The following LONRF2 variants were observed in gnomAD, a reference collection of about 807,000 sequenced individuals.
LONRF2 encodes LON peptidase N-terminal domain and ring finger 2, also known as LON peptidase N-terminal domain and RING finger protein 2.
LONRF2 carries 35 observed loss-of-function variants against 66.6 expected under a neutral mutation model. The ratio of observed to expected loss-of-function variants is 0.53; its 90% CI spans 0.40 to 0.70. The LOEUF is 0.70. Ranked by LOEUF, LONRF2 falls within the 30% of genes least tolerant of loss-of-function variation. LONRF2 has a pLI of 0.00. For missense variants in LONRF2, 902 were observed against 1,002.1 expected (o/e 0.90, Z 1.35); for synonymous variants, 417 against 418.1 (o/e 1.00, Z 0.03).
intron 9 of LONRF2, among the ~76,000 whole-genome samples, chr2:100,292,574 T>G (rs1397752666): frequency 1.3e-5 from 2 of 152,176 alleles, no homozygotes; most frequent in African/African-American, 4.8e-5. Flanking sequence ...TTTTTCTTGT[T>G]GTTTGGATGG....
chr2:100,300,252 A>ATT lies in LONRF2; in HGVS notation c.1066-336_1066-335dup, dbSNP rs35877708. On this transcript the variant is annotated intron_variant, in intron 4 of 11. Transcript: ENST00000393437. ...CATATTCAAATCATCCCTTTGCTTTATTTTTTTTTAAATTACACTTTAAGT... is the reference window on the plus strand; with the variant it reads ...CATATTCAAATCATCCCTTTGCTTTATTTTTTTTTTTAAATTACACTTTAAGT... 2.3e-3 allele frequency among the ~76,000 whole-genome samples: 343 copies of ATT among 150,388 alleles called. 2 individuals carry two copies. Among genetic ancestry groups the ATT allele is most frequent in the African/African-American group, 8.0e-3 (327 of 41,028 alleles).
chr2:100,282,278 A>T lies in LONRF2; in HGVS notation c.*2020T>A, dbSNP rs997561504. ...ATTTAAAGAGTGAGGAAGAGAAAGC[A>T]ACAGGTTCCAAGTATTATAGCAAGC... On this transcript the variant is annotated 3_prime_UTR_variant, in exon 12 of 12. Coordinates refer to ENST00000393437, the MANE Select transcript of LONRF2 (RefSeq NM_198461.4). The T allele has an allele frequency of 4.6e-5, 7 of 152,208 alleles. No homozygotes were observed. Among genetic ancestry groups the T allele is most frequent in the African/African-American group, 1.4e-4 (6 of 41,452 alleles). 9.4% of individuals were successfully genotyped at this position (152,208 alleles called of 1,614,324 possible). A position where few individuals can be genotyped will look rare whatever the true frequency, so the allele number is the denominator to read the frequency against.
rs1674560048 is a variant in LONRF2 at position 100,274,634 on chromosome 2, G to GA, written c.*9663dup. 6.6e-6 allele frequency: 1 copy of GA among 152,298 alleles called. No homozygotes were observed. Among genetic ancestry groups the GA allele is most frequent in the African/African-American group, 2.4e-5 (1 of 41,426 alleles). 9.4% of individuals were successfully genotyped at this position (152,298 alleles called of 1,614,324 possible). Reference sequence around the variant, plus strand: ...TCCTCGATTTGACTCTTCCACTGCAGAAGGCAGTATCCCCTCACCCTGATC... The same window carrying GA: ...TCCTCGATTTGACTCTTCCACTGCAGAAAGGCAGTATCCCCTCACCCTGATC... On this transcript the variant is annotated 3_prime_UTR_variant, in exon 12 of 12. Coordinates refer to ENST00000393437, the MANE Select transcript of LONRF2 (RefSeq NM_198461.4).
chr2:100,305,296 T>C (rs1036074981), intron 2 of LONRF2, among the ~76,000 whole-genome samples: 1 of 152,240 alleles, frequency 6.6e-6, no homozygotes, highest in African/African-American at 2.4e-5. Context: ...GGATGTTTTA[T>C]AGTGTCTTTA....
chr2:100,300,017 A>C, intron 4 of LONRF2, 99 bp from the exon 5 acceptor site: 2 of 417,140 alleles, frequency 4.8e-6, no homozygotes, highest in Non-Finnish European at 8.2e-6. Context: ...TTGGAAAAAA[A>C]AAGGGGGGGG....
At position 100,281,588 on chromosome 2, in the gene LONRF2, T is replaced by C. The variant is rs1177032907; in HGVS notation, c.*2710A>G. On this transcript the variant is annotated 3_prime_UTR_variant, in exon 12 of 12. Transcript: ENST00000393437. ...TGCATTTCAAAGACACAGGCAGGTTTGGGCGATGAATGGAAAAATACAGAA... is the reference window on the plus strand; with the variant it reads ...TGCATTTCAAAGACACAGGCAGGTTCGGGCGATGAATGGAAAAATACAGAA... 6.6e-6 allele frequency: 1 copy of C among 152,158 alleles called. No homozygotes were observed. The highest frequency in any genetic ancestry group is 1.5e-5 in the Non-Finnish European group (1 of 68,038). 9.4% of individuals were successfully genotyped at this position (152,158 alleles called of 1,614,324 possible).
chr2:100,303,136 T>C, intron 2 of LONRF2, 93 bp from the exon 3 acceptor site: 1 of 1,243,770 alleles, frequency 8.0e-7, no homozygotes, highest in East Asian at 2.5e-5. Context: ...ATTAGAACAA[T>C]TTGTTTTAAT....
intron 5 of LONRF2, 129 bp from the exon 6 acceptor site, chr2:100,299,448 T>C: frequency 1.6e-6 from 1 of 618,316 alleles, no homozygotes; most frequent in Non-Finnish European, 2.8e-6. Flanking sequence ...GCAGAAATAG[T>C]TCCTGCCCAG....
intron 1 of LONRF2, among the ~76,000 whole-genome samples, chr2:100,316,896 A>T (rs1559183536): frequency 6.6e-6 from 1 of 151,774 alleles, no homozygotes; most frequent in Non-Finnish European, 1.5e-5. Flanking sequence ...ATTATTACAC[A>T]TTTTTTTTCT....
Position 100,273,404 on chromosome 2 carries a change from C to T in LONRF2, c.*10894G>A, listed in dbSNP as rs1405171631. ...GCACTGATTTGATCTAATTTCTCAT[C>T]AGTCTAGCCTATTACTTAGGTGTGA... On this transcript the variant is annotated 3_prime_UTR_variant, in exon 12 of 12. Transcript: ENST00000393437. The T allele has an allele frequency of 6.6e-6, 1 of 152,224 alleles. No individual in the cohort carries two copies. Among genetic ancestry groups the T allele is most frequent in the Non-Finnish European group, 1.5e-5 (1 of 68,040 alleles). 9.4% of individuals were successfully genotyped at this position (152,224 alleles called of 1,614,324 possible).
chr2:100,309,996 T>C (rs1231031028), intron 1 of LONRF2, among the ~76,000 whole-genome samples: 3 of 152,174 alleles, frequency 2.0e-5, no homozygotes, highest in Non-Finnish European at 4.4e-5. Context: ...TCTACACAAC[T>C]TGGTAGATGT....
chr2:100,308,241 G>A (rs1296493312), intron 2 of LONRF2, among the ~76,000 whole-genome samples: 7 of 152,038 alleles, frequency 4.6e-5, no homozygotes, highest in South Asian at 2.1e-4. Context: ...GTGGTAGCAC[G>A]CACCTGTAGT....
chr2:100,274,116 C>T lies in LONRF2; in HGVS notation c.*10182G>A, dbSNP rs1674549372. ...ATACTCATGTTGCAAACTCCATCTTCATCCTTCAAAGGTCACATGCGCCAA... is the reference window on the plus strand; with the variant it reads ...ATACTCATGTTGCAAACTCCATCTTTATCCTTCAAAGGTCACATGCGCCAA... On this transcript the variant is annotated 3_prime_UTR_variant, in exon 12 of 12. Coordinates refer to ENST00000393437, the MANE Select transcript of LONRF2 (RefSeq NM_198461.4). The T allele has an allele frequency of 6.6e-6, 1 of 152,206 alleles. No individual in the cohort carries two copies. Among genetic ancestry groups the T allele is most frequent in the Non-Finnish European group, 1.5e-5 (1 of 68,048 alleles). 9.4% of individuals were successfully genotyped at this position (152,206 alleles called of 1,614,324 possible). A position where few individuals can be genotyped will look rare whatever the true frequency, so the allele number is the denominator to read the frequency against.
At chr2:100,316,154 C>G (rs1007818550) in intron 1 of LONRF2, among the ~76,000 whole-genome samples, 7 of 151,680 alleles carry the variant, frequency 4.6e-5, no homozygotes, top group African/African-American at 7.3e-5. Flanking sequence ...CCTGTCTCTA[C>G]TAAAAATACA....
chr2:100,315,659 T>A (rs1432933399), intron 1 of LONRF2, among the ~76,000 whole-genome samples: 1 of 152,228 alleles, frequency 6.6e-6, no homozygotes, highest in Non-Finnish European at 1.5e-5. Flanking sequence ...ATTACATTGC[T>A]TGATTTTCCA....
At chr2:100,315,637 T>C (rs776691856) in intron 1 of LONRF2, among the ~76,000 whole-genome samples, 5 of 152,224 alleles carry the variant, frequency 3.3e-5, no homozygotes, top group Non-Finnish European at 7.3e-5. Context: ...CTTTTTTCTG[T>C]AAAGATGGTG....
chr2:100,307,130 C>T (rs941630125), intron 2 of LONRF2, among the ~76,000 whole-genome samples: 6 of 152,084 alleles, frequency 3.9e-5, no homozygotes, highest in Non-Finnish European at 7.3e-5. Flanking sequence ...CCGTGTTAGC[C>T]TGGATGGTCT....
intron 10 of LONRF2, 120 bp downstream of exon 10, chr2:100,290,137 TA>T: frequency 1.1e-6 from 1 of 914,648 alleles, no homozygotes; most frequent in Non-Finnish European, 1.6e-6. Context: ...ATAAATAACT[TA>T]AGTGATGAAT....
At chr2:100,300,548 AT>A in intron 4 of LONRF2, 95 bp downstream of exon 4, 1 of 1,217,638 alleles carries the variant, frequency 8.2e-7, no homozygotes, top group Non-Finnish European at 1.1e-6. Flanking sequence ...AACTAACATA[AT>A]GCCATAATGT....
Sources: allele counts gnomAD v4.1 joint callset (sites outside exome capture counted in the v4.1 genomes callset), GRCh38; gene constraint gnomAD v4.1.1; transcripts MANE v1.5; gene names NCBI Gene and HGNC (gene_info 2026-07-23, HGNC 2026-07-21).